FRMD4B: variants seen among roughly 807,000 people sequenced by gnomAD.
FRMD4B encodes the protein FERM domain containing 4B.
A neutral mutation model predicts 141.5 loss-of-function variants in FRMD4B; 74 were observed. The ratio of observed to expected loss-of-function variants is 0.52; its 90% CI spans 0.43 to 0.63. The LOEUF is 0.63. FRMD4B is among the 30% of genes least tolerant of loss of function. FRMD4B has a pLI of 0.00. For missense variants in FRMD4B, 1,366 were observed against 1,253.4 expected (o/e 1.09, Z -1.36); for synonymous variants, 506 against 467.9 (o/e 1.08, Z -1.05).
intron 4 of FRMD4B, among the ~76,000 whole-genome samples, chr3:69,291,432 A>G (rs147790557): frequency 6.6e-6 from 1 of 152,328 alleles, no homozygotes; most frequent in African/African-American, 2.4e-5. Flanking sequence ...GTGACATTTA[A>G]TAAGTAAAGC....
intron 1 of FRMD4B, among the ~76,000 whole-genome samples, chr3:69,462,377 T>C (rs1397704634): frequency 6.6e-6 from 1 of 152,166 alleles, no homozygotes; most frequent in African/African-American, 2.4e-5. Context: ...GCCTGTCCCA[T>C]AGCAAGAAGC....
chr3:69,528,315 CTCT>C (rs1700961210), intron 1 of FRMD4B, among the ~76,000 whole-genome samples: 1 of 148,400 alleles, frequency 6.7e-6, no homozygotes, highest in Non-Finnish European at 1.5e-5. Context: ...TCCTTTCTCT[CTCT>C]TTCTTTCTCG....
At chr3:69,345,264 T>C (rs1038797577) in intron 1 of FRMD4B, among the ~76,000 whole-genome samples, 1 of 152,164 alleles carries the variant, frequency 6.6e-6, no homozygotes, top group East Asian at 1.9e-4. Context: ...GAGATCGAAC[T>C]GCAAGGAGGC....
intron 1 of FRMD4B, among the ~76,000 whole-genome samples, chr3:69,478,565 A>G (rs1458429734): frequency 1.3e-5 from 2 of 152,196 alleles, no homozygotes; most frequent in African/African-American, 4.8e-5. Context: ...CTGTGGTCTG[A>G]GAGACAGTTT....
chr3:69,218,240 C>A, intron 10 of FRMD4B, 82 bp downstream of exon 10: 1 of 707,590 alleles, frequency 1.4e-6, no homozygotes, highest in African/African-American at 1.8e-5. Flanking sequence ...ATATAATCAG[C>A]CTTTTATATA....
At chr3:69,464,934 C>G (rs1174754100) in intron 1 of FRMD4B, among the ~76,000 whole-genome samples, 2 of 152,108 alleles carry the variant, frequency 1.3e-5, no homozygotes, top group Non-Finnish European at 2.9e-5. Context: ...GGGGAAATAA[C>G]AAAGAGATGG....
chr3:69,343,503 A>G (rs1256838174), intron 1 of FRMD4B, among the ~76,000 whole-genome samples: 1 of 151,706 alleles, frequency 6.6e-6, no homozygotes, highest in Non-Finnish European at 1.5e-5. Context: ...ACCCCTGTCA[A>G]TTTAATCTCT....
chr3:69,287,041 G>T (rs1700711847), intron 5 of FRMD4B, among the ~76,000 whole-genome samples: 4 of 152,160 alleles, frequency 2.6e-5, no homozygotes, highest in Admixed American at 2.6e-4. Flanking sequence ...CTGACCTCGT[G>T]ATCCACCTGT....
At chr3:69,227,908 T>G (rs2093269839) in intron 7 of FRMD4B, among the ~76,000 whole-genome samples, 1 of 149,786 alleles carries the variant, frequency 6.7e-6, no homozygotes, top group African/African-American at 2.5e-5. Flanking sequence ...GGGGAAACAG[T>G]GGGGGTGGGG....
intron 1 of FRMD4B, chr3:69,536,706 T>C (rs879901714): frequency 1.5e-6 from 1 of 682,122 alleles, no homozygotes; most frequent in Admixed American, 2.2e-5. Context: ...ATCAGTAGTT[T>C]TATCCTTCAG....
chr3:69,316,626 A>G (rs2107257207), intron 1 of FRMD4B, among the ~76,000 whole-genome samples: 1 of 152,288 alleles, frequency 6.6e-6, no homozygotes, highest in Non-Finnish European at 1.5e-5. Context: ...AGAAATAAAT[A>G]AATGTGTCAG....
chr3:69,518,160 T>G (rs1700796270), intron 1 of FRMD4B, among the ~76,000 whole-genome samples: 1 of 152,160 alleles, frequency 6.6e-6, no homozygotes, highest in Non-Finnish European at 1.5e-5. Flanking sequence ...TCTTGACTGG[T>G]GCAGAGATTA....
At chr3:69,242,548 A>G (rs2093393358) in intron 7 of FRMD4B, among the ~76,000 whole-genome samples, 2 of 111,430 alleles carry the variant, frequency 1.8e-5, no homozygotes, top group East Asian at 2.9e-4. Context: ...ACTTGTGAAT[A>G]TTCCCTTCCC....
At chr3:69,205,745 T>C (rs2093018401) in intron 11 of FRMD4B, among the ~76,000 whole-genome samples, 2 of 152,150 alleles carry the variant, frequency 1.3e-5, no homozygotes, top group South Asian at 4.1e-4. Flanking sequence ...GCCCTAAATG[T>C]CTATGGTGCT....
intron 11 of FRMD4B, among the ~76,000 whole-genome samples, chr3:69,209,362 C>T (rs776293694): frequency 6.6e-6 from 1 of 152,086 alleles, no homozygotes; most frequent in Non-Finnish European, 1.5e-5. Flanking sequence ...TAATTGCGAT[C>T]AACTATGGGA....
intron 1 of FRMD4B, among the ~76,000 whole-genome samples, chr3:69,342,101 C>G (rs537468553): frequency 2.0e-5 from 3 of 152,276 alleles, no homozygotes; most frequent in South Asian, 4.1e-4. Flanking sequence ...CACTTCCCCC[C>G]ACAAATATAG....
intron 1 of FRMD4B, among the ~76,000 whole-genome samples, chr3:69,368,281 G>A (rs1027621112): frequency 1.1e-4 from 17 of 152,146 alleles, no homozygotes; most frequent in African/African-American, 3.9e-4. Flanking sequence ...GGCCAGCATT[G>A]GAACTCATAC....
chr3:69,457,679 G>A (rs908777735), intron 1 of FRMD4B, among the ~76,000 whole-genome samples: 13 of 152,098 alleles, frequency 8.5e-5, no homozygotes, highest in Non-Finnish European at 1.8e-4. Context: ...ATTTTTTAAA[G>A]TCCACTGAAT....
intron 1 of FRMD4B, among the ~76,000 whole-genome samples, chr3:69,373,209 C>G (rs1029259761): frequency 7.2e-5 from 11 of 152,148 alleles, no homozygotes; most frequent in African/African-American, 2.4e-4. Context: ...TTTTACCGAC[C>G]CTTTTTACTT....
Sources: gnomAD v4.1 joint callset for allele counts (sites outside exome capture counted in the v4.1 genomes callset) on GRCh38, gnomAD v4.1.1 for gene constraint, MANE v1.5 for transcripts, NCBI Gene and HGNC (gene_info 2026-07-23, HGNC 2026-07-21) for gene names.